PPM1B: variants seen among roughly 807,000 people sequenced by gnomAD.
PPM1B encodes protein phosphatase 1B.
Under a neutral mutation model 43.0 loss-of-function variants are expected in PPM1B, and 22 were observed. The ratio of observed to expected loss-of-function variants is 0.51; its 90% CI spans 0.37 to 0.73. The LOEUF (loss-of-function observed/expected upper bound fraction) is 0.73, where lower values mean the gene tolerates loss of function less well. PPM1B is among the 30% of genes least tolerant of loss of function. The pLI is 0.00. For synonymous variants in PPM1B, 217 were observed against 197.9 expected (o/e 1.10, Z -0.81); for missense variants, 632 against 584.2 (o/e 1.08, Z -0.84).
downstream of PPM1B, among the ~76,000 whole-genome samples, chr2:44,245,612 A>G (rs190089410): frequency 1.5e-3 from 233 of 152,340 alleles, no homozygotes; most frequent in African/African-American, 5.4e-3. Context: ...CATCAGGTAC[A>G]AAAACCACCT....
rs374385481 is a variant in PPM1B, at chr2:44,209,334, C to G, written c.964+7C>G. 18 of 1,612,816 alleles carry G rather than the reference C, an allele frequency of 1.1e-5. No individual in the cohort carries two copies. The highest frequency in any genetic ancestry group is 1.4e-5 in the Non-Finnish European group (17 of 1,179,698). ...TTGGAATCACGGGTTGAAGGTAAGA[C>G]AAATGCTTTTTAAAAATATAGACAG... On this transcript the variant is annotated splice_region_variant and intron_variant, in intron 3 of 5. Coordinates refer to ENST00000282412, the MANE Select transcript of PPM1B (RefSeq NM_002706.6).
intron 3 of PPM1B, among the ~76,000 whole-genome samples, chr2:44,216,986 A>C (rs1669750395): frequency 6.6e-6 from 1 of 151,826 alleles, no homozygotes; most frequent in Non-Finnish European, 1.5e-5. Context: ...AGAGTATGTG[A>C]AGATCTAGAA....
chr2:44,218,258 C>G (rs1316228105), intron 4 of PPM1B, among the ~76,000 whole-genome samples, 180 bp downstream of exon 4: 1 of 152,172 alleles, frequency 6.6e-6, no homozygotes, highest in East Asian at 1.9e-4. Context: ...AAGGAATTAT[C>G]TATCATACTC....
At chr2:44,209,726 G>A (rs1166302874) in intron 3 of PPM1B, among the ~76,000 whole-genome samples, 2 of 149,810 alleles carry the variant, frequency 1.3e-5, no homozygotes, top group East Asian at 2.0e-4. Context: ...GCAGTGAGCC[G>A]AGATTGCACC....
Position 44,204,414 on chromosome 2 carries a change from G to A in PPM1B, c.846+2369G>A, listed in dbSNP as rs899068453. Among the ~76,000 whole-genome samples the A allele has an allele frequency of 3.9e-5, 6 of 152,260 alleles. No homozygotes were observed. The South Asian group carries it at 1.2e-3, about 32-fold the overall frequency. ...TAATAAGTAGATGTTTCCCTGATAA[G>A]AGATTTAAATGAAGTCCTAGTTTTT... is the stretch of plus-strand genomic sequence containing the variant. On this transcript the variant is annotated intron_variant, in intron 2 of 5. Coordinates refer to ENST00000282412, the MANE Select transcript of PPM1B (RefSeq NM_002706.6).
chr2:44,192,154 ATTATT>A (rs1277818150), intron 1 of PPM1B, among the ~76,000 whole-genome samples: 1 of 145,424 alleles, frequency 6.9e-6, no homozygotes, highest in Non-Finnish European at 1.5e-5. Flanking sequence ...TGTCATTTTA[ATTATT>A]TTTATTTTAT....
In PPM1B at chr2:44,209,204, A is replaced by G. The variant is rs751570535; in HGVS notation, c.847-6A>G. The G allele has an allele frequency of 1.6e-5, 25 of 1,575,258 alleles. No homozygotes were observed. The highest frequency in any genetic ancestry group is 2.2e-5 in the East Asian group (1 of 44,470). ...ATTTTTTTTCTTTTTTTTCTTTAATACACAGGGAAGTCGAGATAACATGAG... is the reference window on the plus strand; with the variant it reads ...ATTTTTTTTCTTTTTTTTCTTTAATGCACAGGGAAGTCGAGATAACATGAG... On this transcript the variant is annotated splice_polypyrimidine_tract_variant and splice_region_variant and intron_variant, in intron 2 of 5. Transcript: ENST00000282412.
intron 1 of PPM1B, among the ~76,000 whole-genome samples, 175 bp downstream of exon 1, chr2:44,169,449 C>T (rs549049639): frequency 9.8e-5 from 15 of 152,366 alleles, no homozygotes; most frequent in East Asian, 3.9e-4. Context: ...AACGCCGGGC[C>T]TGGCTCTCGG....
At position 44,216,325 on chromosome 2, in the gene PPM1B, G is replaced by A. The variant is rs537605091; in HGVS notation, c.965-1642G>A. Among the ~76,000 whole-genome samples the A allele has an allele frequency of 1.7e-4, 26 of 152,230 alleles. No homozygotes were observed. In the South Asian group the frequency reaches 5.2e-3, roughly 30 times the overall value. The stretch of plus-strand genomic sequence containing the variant: ...CTAGTGAATGGAGGCCAGGGATGCT[G>A]CTTAATATTCCACAGCACACAGGAC... On this transcript the variant is annotated intron_variant, in intron 3 of 5. Coordinates refer to ENST00000282412, the MANE Select transcript of PPM1B (RefSeq NM_002706.6).
At chr2:44,225,486 C>T (rs749265467) in intron 5 of PPM1B, among the ~76,000 whole-genome samples, 1 of 152,092 alleles carries the variant, frequency 6.6e-6, no homozygotes, top group Non-Finnish European at 1.5e-5. Context: ...GGTTTCAGTC[C>T]TCTATTGTCT....
downstream of PPM1B, chr2:44,232,534 A>G: frequency 1.4e-6 from 2 of 1,443,610 alleles, no homozygotes; most frequent in Non-Finnish European, 1.8e-6. Context: ...CACTTGTAGC[A>G]TTGCCTGTAC....
At chr2:44,211,341 G>C (rs1170653210) in intron 3 of PPM1B, among the ~76,000 whole-genome samples, 2 of 152,078 alleles carry the variant, frequency 1.3e-5, no homozygotes, top group Non-Finnish European at 2.9e-5. Context: ...TGTTGACCTT[G>C]ACATTTTTCA....
At chr2:44,223,818 A>G (rs1256155398) in intron 5 of PPM1B, among the ~76,000 whole-genome samples, 8 of 40,518 alleles carry the variant, frequency 2.0e-4, no homozygotes, top group African/African-American at 7.3e-4. Flanking sequence ...TCTGTCTAAA[A>G]AAAAAAAAAA....
At chr2:44,235,909 T>C (rs1163810296), downstream of PPM1B, among the ~76,000 whole-genome samples, 1 of 151,722 alleles carries the variant, frequency 6.6e-6, no homozygotes, top group African/African-American at 2.4e-5. Context: ...ATTTTAAATA[T>C]ATGTCTCTTT....
At chr2:44,226,784 G>A (rs1383211021) in intron 5 of PPM1B, among the ~76,000 whole-genome samples, 1 of 142,930 alleles carries the variant, frequency 7.0e-6, no homozygotes, top group Non-Finnish European at 1.5e-5. Context: ...CGGGGGAAGA[G>A]GGTTGTAGGC....
At chr2:44,205,220 A>G (rs1055433955) in intron 2 of PPM1B, among the ~76,000 whole-genome samples, 1 of 152,214 alleles carries the variant, frequency 6.6e-6, no homozygotes, top group Non-Finnish European at 1.5e-5. Context: ...ATATTAAAAG[A>G]TATCCATAAG....
intron 2 of PPM1B, among the ~76,000 whole-genome samples, chr2:44,205,694 T>C (rs1191158582): frequency 6.6e-6 from 1 of 152,228 alleles, no homozygotes; most frequent in East Asian, 1.9e-4. Flanking sequence ...TCTTAAATTA[T>C]AAAAGTCGGT....
chr2:44,226,973 TGAATGAA>T lies in PPM1B; in HGVS notation c.1135-3439_1135-3433del, dbSNP rs1558430087. ...ATTTATTTATTTATTTATTTATTTA[TGAATGAA>T]TGAATGAATGAATGACAGGGTCTTC... On this transcript the variant is annotated intron_variant, in intron 5 of 5. Transcript: ENST00000282412. Among the ~76,000 whole-genome samples the T allele has an allele frequency of 1.2e-4, 17 of 144,284 alleles. No individual in the cohort carries two copies. In the South Asian group the frequency reaches 3.0e-3, roughly 25 times the overall value. The allele number at this position is 144,284 out of a possible 152,430, so 94.7% of individuals were successfully genotyped here.
chr2:44,219,000 ATAT>A (rs1055279172), intron 5 of PPM1B: 5 of 388,798 alleles, frequency 1.3e-5, no homozygotes, highest in East Asian at 8.0e-5. Flanking sequence ...TTTTTTTCTA[ATAT>A]TATTGTTGTA....
Sources: allele counts gnomAD v4.1 joint callset (sites outside exome capture counted in the v4.1 genomes callset), GRCh38; gene constraint gnomAD v4.1.1; transcripts MANE v1.5; gene names NCBI Gene and HGNC (gene_info 2026-07-23, HGNC 2026-07-21).